PSMB2: variants seen among roughly 807,000 people sequenced by gnomAD.
The protein encoded by PSMB2 is proteasome subunit beta type-2.
A neutral mutation model predicts 25.7 loss-of-function variants in PSMB2; 13 were observed. The ratio of observed to expected loss-of-function variants is 0.51; its 90% CI spans 0.33 to 0.80. The LOEUF is 0.80. Ranked by LOEUF, PSMB2 falls within the 30% of genes least tolerant of loss-of-function variation. The pLI is 0.02. For synonymous variants in PSMB2, 87 were observed against 96.2 expected (o/e 0.90, Z 0.56); for missense variants, 202 against 259.0 (o/e 0.78, Z 1.51).
At chr1:35,605,436 A>G (rs1376979221) in intron 4 of PSMB2, among the ~76,000 whole-genome samples, 154 bp from the exon 5 acceptor site, 1 of 152,242 alleles carries the variant, frequency 6.6e-6, no homozygotes, top group Non-Finnish European at 1.5e-5. Context: ...CCTGCAATCA[A>G]CTTACTCCAC....
chr1:35,622,972 G>A (rs1016332960), intron 3 of PSMB2, among the ~76,000 whole-genome samples: 1 of 152,018 alleles, frequency 6.6e-6, no homozygotes, highest in African/African-American at 2.4e-5. Context: ...TTTAACTAAT[G>A]CATACGCATA....
chr1:35,632,682 C>G (rs1353661532), intron 2 of PSMB2, among the ~76,000 whole-genome samples: 1 of 151,836 alleles, frequency 6.6e-6, no homozygotes, highest in African/African-American at 2.4e-5. Flanking sequence ...TCACTCGAGC[C>G]CAGGAGTTTA....
rs1209123224 is a variant in PSMB2 at position 35,600,876 on chromosome 1, C to T, written c.*2391G>A. The stretch of plus-strand genomic sequence containing the variant: ...CCAATCATTATACACTTACTGAGCA[C>T]TTACCACATGCCAAGCCCTGAACTA... On this transcript the variant is annotated 3_prime_UTR_variant, in exon 6 of 6. Coordinates refer to ENST00000373237, the MANE Select transcript of PSMB2 (RefSeq NM_002794.5). 9 of 985,212 alleles carry T rather than the reference C, an allele frequency of 9.1e-6. No individual in the cohort carries two copies. Among genetic ancestry groups the T allele is most frequent in the Non-Finnish European group, 1.1e-5 (9 of 829,794 alleles). The allele number at this position is 985,212 out of a possible 1,614,324, so 61.0% of individuals were successfully genotyped here. A position where few individuals can be genotyped will look rare whatever the true frequency, so the allele number is the denominator to read the frequency against.
chr1:35,630,008 T>C (rs546208772), intron 3 of PSMB2, among the ~76,000 whole-genome samples: 2 of 151,680 alleles, frequency 1.3e-5, no homozygotes, highest in South Asian at 2.1e-4. Flanking sequence ...AAACCCCGTG[T>C]CTGCTAAAAA....
At position 35,599,627 on chromosome 1, in the gene PSMB2, A is replaced by T; in HGVS notation, c.*3640T>A. The T allele has an allele frequency of 1.0e-6, 1 of 984,152 alleles. No individual in the cohort carries two copies. Among genetic ancestry groups the T allele is most frequent in the Non-Finnish European group, 1.2e-6 (1 of 828,754 alleles). 61.0% of individuals were successfully genotyped at this position (984,152 alleles called of 1,614,324 possible). On this transcript the variant is annotated 3_prime_UTR_variant, in exon 6 of 6. Coordinates refer to ENST00000373237, the MANE Select transcript of PSMB2 (RefSeq NM_002794.5). ...CGGAGAGGATTATGGAATGCCTAGC[A>T]TGTCAAATCAAAGAATTGGGCTTTA...
intron 3 of PSMB2, among the ~76,000 whole-genome samples, chr1:35,621,981 G>A (rs1439354013): frequency 1.3e-5 from 2 of 152,046 alleles, no homozygotes; most frequent in Non-Finnish European, 2.9e-5. Context: ...GGGCGACAGA[G>A]CGAGACTATG....
At position 35,602,830 on chromosome 1, in the gene PSMB2, C is replaced by G; in HGVS notation, c.*437G>C. On this transcript the variant is annotated 3_prime_UTR_variant, in exon 6 of 6. Transcript: ENST00000373237. ...ATATTTTTCACTACATGTTTTTGTA[C>G]TGTTTGCATGTTACATTAAGTGCAT... 1.2e-6 allele frequency: 1 copy of G among 816,300 alleles called. No homozygotes were observed. The highest frequency in any genetic ancestry group is 1.5e-6 in the Non-Finnish European group (1 of 674,332). The allele number at this position is 816,300 out of a possible 1,614,324, so 50.6% of individuals were successfully genotyped here.
chr1:35,631,349 T>C lies in PSMB2; in HGVS notation c.215-5A>G, dbSNP rs746241699. The C allele has an allele frequency of 1.2e-6, 2 of 1,613,892 alleles. No homozygotes were observed. Among genetic ancestry groups the C allele is most frequent in the South Asian group, 1.1e-5 (1 of 91,068 alleles). ...CCGTGGGAGACAATTCATATCCTGG[T>C]AGAAGAGATAAAGAGTCATACTTAA... On this transcript the variant is annotated splice_region_variant and splice_polypyrimidine_tract_variant and intron_variant, in intron 2 of 5. Transcript: ENST00000373237.
At chr1:35,630,802 A>C (rs563636645) in intron 3 of PSMB2, among the ~76,000 whole-genome samples, 1 of 152,352 alleles carries the variant, frequency 6.6e-6, no homozygotes, top group Non-Finnish European at 1.5e-5. Context: ...TAACATCCAC[A>C]ACAGCAAAAG....
chr1:35,616,055 C>T lies in PSMB2; in HGVS notation c.286-6647G>A, dbSNP rs1272147417. Reference sequence around the variant, plus strand: ...ATTTCATGAAAATGCAATTTACAGACTTAGATAGGATAGAAAACCTCAACT... The same window carrying T: ...ATTTCATGAAAATGCAATTTACAGATTTAGATAGGATAGAAAACCTCAACT... On this transcript the variant is annotated intron_variant, in intron 3 of 5. Coordinates refer to ENST00000373237, the MANE Select transcript of PSMB2 (RefSeq NM_002794.5). Among the ~76,000 whole-genome samples, 3 of 152,152 alleles carry T rather than the reference C, an allele frequency of 2.0e-5. No homozygotes were observed. In the East Asian group the frequency reaches 5.8e-4, roughly 29 times the overall value.
At chr1:35,628,596 A>AAATATAT (rs59538661) in intron 3 of PSMB2, among the ~76,000 whole-genome samples, 13 of 25,110 alleles carry the variant, frequency 5.2e-4, no homozygotes, top group South Asian at 2.5e-3. Context: ...AAAAAAAAAA[A>AAATATAT]ATATATATAT....
intron 3 of PSMB2, among the ~76,000 whole-genome samples, chr1:35,629,299 G>T (rs1651013299): frequency 6.6e-6 from 1 of 152,168 alleles, no homozygotes; most frequent in African/African-American, 2.4e-5. Context: ...TATTTATTTA[G>T]TCCCTGTGGG....
chr1:35,614,820 G>A (rs530744006), intron 3 of PSMB2, among the ~76,000 whole-genome samples: 1 of 152,322 alleles, frequency 6.6e-6, no homozygotes, highest in Non-Finnish European at 1.5e-5. Flanking sequence ...CTTCTAGCAT[G>A]AGGTACCACC....
intron 4 of PSMB2, among the ~76,000 whole-genome samples, 194 bp from the exon 5 acceptor site, chr1:35,605,476 C>T (rs1214953067): frequency 6.6e-6 from 1 of 152,266 alleles, no homozygotes; most frequent in East Asian, 1.9e-4. Flanking sequence ...AGACCCAGTG[C>T]TCCAGCAGCT....
chr1:35,636,601 A>G, intron 1 of PSMB2, among the ~76,000 whole-genome samples, 169 bp from the exon 2 acceptor site: 1 of 152,098 alleles, frequency 6.6e-6, no homozygotes, highest in East Asian at 1.9e-4. Context: ...GAAAAAAAAA[A>G]AAATGGATGC....
chr1:35,616,058 AGATAG>A (rs1650483067), intron 3 of PSMB2, among the ~76,000 whole-genome samples: 1 of 151,560 alleles, frequency 6.6e-6, no homozygotes, highest in Non-Finnish European at 1.5e-5. Flanking sequence ...TTACAGACTT[AGATAG>A]GATAGAAAAC....
intron 3 of PSMB2, among the ~76,000 whole-genome samples, chr1:35,622,677 A>G (rs1650723419): frequency 6.6e-6 from 1 of 152,130 alleles, no homozygotes; most frequent in Non-Finnish European, 1.5e-5. Context: ...ACAGGGTAGC[A>G]CATATATGCT....
At chr1:35,618,209 G>C (rs1409801291) in intron 3 of PSMB2, among the ~76,000 whole-genome samples, 1 of 152,118 alleles carries the variant, frequency 6.6e-6, no homozygotes, top group Non-Finnish European at 1.5e-5. Context: ...AGAAATGATG[G>C]AACTTCATAA....
chr1:35,633,212 C>A (rs762472821), intron 2 of PSMB2, among the ~76,000 whole-genome samples: 5 of 149,918 alleles, frequency 3.3e-5, no homozygotes, highest in Non-Finnish European at 5.9e-5. Context: ...CAGAACGAGA[C>A]CCTGACTCAA....
Sources: gnomAD v4.1 joint callset for allele counts (sites outside exome capture counted in the v4.1 genomes callset) on GRCh38, gnomAD v4.1.1 for gene constraint, MANE v1.5 for transcripts, NCBI Gene and HGNC (gene_info 2026-07-23, HGNC 2026-07-21) for gene names.